Variants in GOLGA3 observed in about 807,000 individuals in gnomAD.
GOLGA3 encodes the protein golgin subfamily A member 3.
GOLGA3 carries 75 observed loss-of-function variants against 169.4 expected under a neutral mutation model. That is an observed-to-expected ratio of 0.44 (90% CI 0.37 to 0.54). The LOEUF is 0.54. GOLGA3 is among the 20% of genes least tolerant of loss of function. The pLI is 0.00. For synonymous variants in GOLGA3, 824 were observed against 822.4 expected (o/e 1.00, Z -0.03); for missense variants, 1,899 against 1,930.0 (o/e 0.98, Z 0.30).
intron 2 of GOLGA3, among the ~76,000 whole-genome samples, chr12:132,818,422 G>A (rs1950081961): frequency 6.6e-6 from 1 of 152,184 alleles, no homozygotes; most frequent in African/African-American, 2.4e-5. Context: ...ACCACACCTG[G>A]CTAATTTTTG....
Position 132,807,610 on chromosome 12 carries a change from G to A in GOLGA3, c.1178+281C>T, listed in dbSNP as rs182681925. On this transcript the variant is annotated intron_variant, in intron 5 of 23. Coordinates refer to ENST00000450791, the MANE Select transcript of GOLGA3 (RefSeq NM_001389683.1). ...CTGATCTAATTCTACTGATTAAAAA[G>A]CAGCAGACTTGTTATGAATTAAATG... 8.5e-3 allele frequency among the ~76,000 whole-genome samples: 1,301 copies of A among 152,282 alleles called. 18 individuals are homozygous for A. Among genetic ancestry groups the A allele is most frequent in the African/African-American group, 0.028 (1,148 of 41,560 alleles).
intron 2 of GOLGA3, among the ~76,000 whole-genome samples, chr12:132,821,710 C>G (rs535620526): frequency 6.7e-6 from 1 of 149,906 alleles, no homozygotes; most frequent in Non-Finnish European, 1.5e-5. Context: ...AAAAATTAGC[C>G]GGGCGCGGTG....
In GOLGA3 at chr12:132,804,750, G is replaced by A. The variant is rs750054261; in HGVS notation, c.1563C>T (p.Asp521=). ...QYQRLMAKVE[D]MQRSMLSKDN... ...CCTTGCTGAGCATGCTCCTCTGCATGTCCTCTACCTTGGCCATAAGCCTCT... is the reference window on the plus strand; with the variant it reads ...CCTTGCTGAGCATGCTCCTCTGCATATCCTCTACCTTGGCCATAAGCCTCT... The change falls in exon 7 of 24, where the codon GAC becomes GAT. Residue 521 remains aspartate (D), a synonymous_variant. Coordinates refer to ENST00000450791, the MANE Select transcript of GOLGA3 (RefSeq NM_001389683.1). The surrounding 1 kb of genome is among the most constrained non-coding windows in gnomAD (Gnocchi z 4.1). 1 of 1,614,134 alleles carries A rather than the reference G, an allele frequency of 6.2e-7. No individual in the cohort carries two copies. The highest frequency in any genetic ancestry group is 8.5e-7 in the Non-Finnish European group (1 of 1,179,988).
chr12:132,811,820 T>TATTGATCTTCTTCTACTGAAGAGATC (rs1949722651), intron 4 of GOLGA3: 1 of 965,658 alleles, frequency 1.0e-6, no homozygotes, highest in South Asian at 4.8e-5. Context: ...CTGGTCATTT[T>TATTGATCTTCTTCTACTGAAGAGATC]ATTGATCTTC....
chr12:132,785,072 G>A (rs1158943550), intron 15 of GOLGA3, among the ~76,000 whole-genome samples: 1 of 152,216 alleles, frequency 6.6e-6, no homozygotes, highest in Non-Finnish European at 1.5e-5. Flanking sequence ...TTTTGCTGAG[G>A]ATCAAAAAGG....
Position 132,784,055 on chromosome 12 carries a change from C to T in GOLGA3, c.3267+109G>A, listed in dbSNP as rs759398966. On this transcript the variant is annotated intron_variant, in intron 16 of 23. Transcript: ENST00000450791. Reference sequence around the variant, plus strand: ...AAGGTGGCAACACCAAAAGTAGCAACGCTGGGCACACGGTGAAGTTTTGTT... The same window carrying T: ...AAGGTGGCAACACCAAAAGTAGCAATGCTGGGCACACGGTGAAGTTTTGTT... 2.4e-5 allele frequency: 38 copies of T among 1,551,084 alleles called. 2 individuals carry two copies. In the South Asian group the frequency reaches 2.9e-4, roughly 12 times the overall value.
intron 18 of GOLGA3, among the ~76,000 whole-genome samples, chr12:132,778,631 T>C (rs1027670077): frequency 6.0e-5 from 9 of 151,032 alleles, no homozygotes; most frequent in Non-Finnish European, 1.3e-4. Flanking sequence ...TAAATACATT[T>C]AAAAAATAAA....
chr12:132,787,632 CGG>C lies in GOLGA3; in HGVS notation c.2812-847_2812-846del, dbSNP rs1343978848. On this transcript the variant is annotated intron_variant, in intron 13 of 23. Transcript: ENST00000450791. ...CCCCGGAGACCCCGGGACCCCTCCC[CGG>C]AGACCACGGGACCCCTCCCCGGAGA... is the stretch of plus-strand genomic sequence containing the variant. 1.6e-3 allele frequency among the ~76,000 whole-genome samples: 182 copies of C among 115,754 alleles called. 13 individuals are homozygous for C. The highest frequency in any genetic ancestry group is 7.3e-3 in the East Asian group (29 of 3,978). 75.9% of individuals were successfully genotyped at this position (115,754 alleles called of 152,430 possible). A position where few individuals can be genotyped will look rare whatever the true frequency, so the allele number is the denominator to read the frequency against.
At position 132,814,094 on chromosome 12, in the gene GOLGA3, G is replaced by A. The variant is rs182106932; in HGVS notation, c.407-675C>T. 4.7e-3 allele frequency among the ~76,000 whole-genome samples: 690 copies of A among 146,232 alleles called. 5 individuals are homozygous for A. Among genetic ancestry groups the A allele is most frequent in the African/African-American group, 0.017 (650 of 39,152 alleles). On this transcript the variant is annotated intron_variant, in intron 3 of 23. Coordinates refer to ENST00000450791, the MANE Select transcript of GOLGA3 (RefSeq NM_001389683.1). Reference sequence around the variant, plus strand: ...GGCTGGAGTGCAATGGTGCGATCTCGGCTCACCACAACCTCTGCCTCCTGG... The same window carrying A: ...GGCTGGAGTGCAATGGTGCGATCTCAGCTCACCACAACCTCTGCCTCCTGG...
Position 132,816,507 on chromosome 12 carries a change from G to T in GOLGA3, c.406+33C>A, listed in dbSNP as rs748431853. On this transcript the variant is annotated intron_variant, in intron 3 of 23. Transcript: ENST00000450791. The stretch of plus-strand genomic sequence containing the variant: ...CAAGGGGCTGAGCGACGCGGACGTG[G>T]AGGGTGGGAAAAGCGGGGTAACGGA... 6.2e-6 allele frequency: 10 copies of T among 1,603,498 alleles called. No individual in the cohort carries two copies. In the South Asian group the frequency reaches 1.1e-4, roughly 18 times the overall value.
intron 17 of GOLGA3, 130 bp from the exon 18 acceptor site, chr12:132,781,044 C>A (rs2045575888): frequency 1.5e-6 from 1 of 676,734 alleles, no homozygotes; most frequent in Non-Finnish European, 2.6e-6. Context: ...AACTTCACTG[C>A]TGAAGAATCT....
intron 2 of GOLGA3, among the ~76,000 whole-genome samples, chr12:132,818,102 C>CTCA: frequency 7.8e-6 from 1 of 128,922 alleles, no homozygotes; most frequent in East Asian, 7.5e-4. Flanking sequence ...CTAAGGTGAA[C>CTCA]CCCCCCTCCA....
chr12:132,811,817 T>C, intron 4 of GOLGA3: 1 of 963,614 alleles, frequency 1.0e-6, no homozygotes, highest in Non-Finnish European at 1.2e-6. Context: ...ACGCTGGTCA[T>C]TTTATTGATC....
chr12:132,799,120 T>G (rs1949012410), intron 8 of GOLGA3, among the ~76,000 whole-genome samples: 1 of 152,048 alleles, frequency 6.6e-6, no homozygotes. Flanking sequence ...CTTCCTGGAG[T>G]GCACAGTGCG....
chr12:132,788,627 G>A (rs866517477), intron 13 of GOLGA3, among the ~76,000 whole-genome samples: 6 of 152,262 alleles, frequency 3.9e-5, no homozygotes, highest in South Asian at 4.1e-4. Context: ...CCCGGGCCCC[G>A]ACGCCCTGCC....
At position 132,828,813 on chromosome 12, in the gene GOLGA3, T is replaced by TG. The variant is rs1214680107; in HGVS notation, c.-195dup. 1.3e-5 allele frequency: 2 copies of TG among 152,282 alleles called. No individual in the cohort carries two copies. The highest frequency in any genetic ancestry group is 2.9e-5 in the Non-Finnish European group (2 of 68,100). 9.4% of individuals were successfully genotyped at this position (152,282 alleles called of 1,614,324 possible). On this transcript the variant is annotated 5_prime_UTR_variant, in exon 1 of 24. Transcript: ENST00000450791. ...CTCCGAGCCCCTCACCCTGCTGCTC[T>TG]GGCAGCCCCGGAGGCCGCCCGGCCC...
At chr12:132,806,703 C>T (rs1219091076) in intron 6 of GOLGA3, among the ~76,000 whole-genome samples, 1 of 152,178 alleles carries the variant, frequency 6.6e-6, no homozygotes, top group Non-Finnish European at 1.5e-5. Context: ...TAGCTCTTCA[C>T]TGTGGATAAA....
intron 3 of GOLGA3, among the ~76,000 whole-genome samples, chr12:132,814,579 CG>C (rs1566136134): frequency 6.6e-6 from 1 of 152,232 alleles, no homozygotes; most frequent in African/African-American, 2.4e-5. Flanking sequence ...TCCGCTCTGA[CG>C]CACAGCTCAT....
At chr12:132,815,139 T>G (rs1219451563) in intron 3 of GOLGA3, among the ~76,000 whole-genome samples, 1 of 152,254 alleles carries the variant, frequency 6.6e-6, no homozygotes, top group Non-Finnish European at 1.5e-5. Flanking sequence ...AGTTTATACA[T>G]TTTATCACTG....
Sources: gnomAD v4.1 joint callset for allele counts (sites outside exome capture counted in the v4.1 genomes callset) on GRCh38, gnomAD v4.1.1 for gene constraint, Gnocchi (gnomAD v3.1) non-coding constraint, MANE v1.5 for transcripts, NCBI Gene and HGNC (gene_info 2026-07-23, HGNC 2026-07-21) for gene names.